CTNNA2: variants seen among roughly 807,000 people sequenced by gnomAD.
The protein encoded by CTNNA2 is catenin alpha 2, also known as catenin alpha-2.
In CTNNA2, 42 loss-of-function variants were observed where a neutral mutation model predicts 101.0. That is an observed-to-expected ratio of 0.42 (90% CI 0.32 to 0.54). The LOEUF (loss-of-function observed/expected upper bound fraction) is 0.54, where lower values mean the gene tolerates loss of function less well. Ranked by LOEUF, CTNNA2 falls within the 20% of genes least tolerant of loss-of-function variation. CTNNA2 has a pLI of 0.14. For missense variants in CTNNA2, 871 were observed against 1,223.1 expected, an observed-to-expected ratio of 0.71 and a Z score of 4.29; for synonymous variants, 450 against 456.4, an observed-to-expected ratio of 0.99 and a Z score of 0.18.
intron 4 of CTNNA2, among the ~76,000 whole-genome samples, chr2:79,470,591 A>G (rs998724891): frequency 6.6e-6 from 1 of 152,190 alleles, no homozygotes; most frequent in African/African-American, 2.4e-5. Context: ...TTCACTGGTA[A>G]TAATTACCAA....
At chr2:80,057,102 ATAT>A (rs1375968662) in intron 7 of CTNNA2, among the ~76,000 whole-genome samples, 2 of 152,136 alleles carry the variant, frequency 1.3e-5, no homozygotes, top group Non-Finnish European at 2.9e-5. Context: ...TTCTGTTTAA[ATAT>A]TAATCAATTT....
chr2:79,665,274 G>C (rs1049405417), intron 2 of CTNNA2, among the ~76,000 whole-genome samples: 1 of 152,102 alleles, frequency 6.6e-6, no homozygotes, highest in Non-Finnish European at 1.5e-5. Flanking sequence ...TCTCTGCTCT[G>C]CTCTCAGACC....
At chr2:79,414,269 A>G (rs1678452194) in intron 4 of CTNNA2, among the ~76,000 whole-genome samples, 1 of 151,940 alleles carries the variant, frequency 6.6e-6, no homozygotes. Flanking sequence ...TACGACTAAT[A>G]AATTCTACAT....
intron 7 of CTNNA2, among the ~76,000 whole-genome samples, chr2:80,203,363 A>C (rs138116582): frequency 5.3e-5 from 8 of 152,338 alleles, no homozygotes; most frequent in African/African-American, 1.9e-4. Flanking sequence ...GTAAAATCAA[A>C]AGCAAGTTAG....
At chr2:80,275,383 T>A (rs1281457258) in intron 7 of CTNNA2, among the ~76,000 whole-genome samples, 1 of 152,238 alleles carries the variant, frequency 6.6e-6, no homozygotes, top group East Asian at 1.9e-4. Context: ...AGTCATTCAA[T>A]TACCATTTGA....
chr2:80,352,364 T>C (rs185070125), intron 7 of CTNNA2, among the ~76,000 whole-genome samples: 1 of 152,266 alleles, frequency 6.6e-6, no homozygotes, highest in East Asian at 1.9e-4. Context: ...GTAATGGATA[T>C]TGAAAATGCC....
intron 8 of CTNNA2, among the ~76,000 whole-genome samples, chr2:80,405,593 C>G (rs1678979367): frequency 6.6e-6 from 1 of 152,120 alleles, no homozygotes; most frequent in South Asian, 2.1e-4. Context: ...AGCTCCATGC[C>G]AGAAACTGAA....
intron 4 of CTNNA2, among the ~76,000 whole-genome samples, chr2:79,377,107 G>A (rs1677987276): frequency 1.3e-5 from 2 of 151,528 alleles, no homozygotes; most frequent in South Asian, 4.2e-4. Flanking sequence ...CACCAACAGT[G>A]TAAAAGTGTT....
intron 1 of CTNNA2, among the ~76,000 whole-genome samples, chr2:79,625,815 C>T (rs1558781467): frequency 6.6e-6 from 1 of 152,178 alleles, no homozygotes; most frequent in Admixed American, 6.6e-5. Flanking sequence ...CTGCCAGTTA[C>T]CTCCTTGGTG....
At chr2:80,514,096 C>A (rs895615542) in intron 9 of CTNNA2, among the ~76,000 whole-genome samples, 1 of 152,130 alleles carries the variant, frequency 6.6e-6, no homozygotes, top group Non-Finnish European at 1.5e-5. Flanking sequence ...CCTGTTTAGG[C>A]ACTCACTGTG....
At chr2:79,958,595 C>A (rs1206510867) in intron 7 of CTNNA2, among the ~76,000 whole-genome samples, 1 of 152,112 alleles carries the variant, frequency 6.6e-6, no homozygotes, top group Admixed American at 6.5e-5. Context: ...CCCTAAAGCA[C>A]CCAGAAAGGA....
At chr2:79,860,577 A>G (rs1156651936) in intron 4 of CTNNA2, among the ~76,000 whole-genome samples, 2 of 109,288 alleles carry the variant, frequency 1.8e-5, no homozygotes, top group Admixed American at 2.0e-4. Context: ...ACGATTTAGC[A>G]CAAAATCATG....
intron 7 of CTNNA2, among the ~76,000 whole-genome samples, chr2:80,387,488 A>C (rs2149358601): frequency 6.6e-6 from 1 of 152,270 alleles, no homozygotes; most frequent in South Asian, 2.1e-4. Context: ...CCTTGTCCAA[A>C]GTGGGCCAAA....
Position 80,169,055 on chromosome 2 carries a change from T to A in CTNNA2, c.1057-224156T>A, listed in dbSNP as rs78797705. The stretch of plus-strand genomic sequence containing the variant: ...AATCCATGGGCCACGGGGCCTGACC[T>A]TGGGAGCCCATGCCTTTATCCTGCA... On this transcript the variant is annotated intron_variant, in intron 7 of 18. Transcript: ENST00000402739. Among the ~76,000 whole-genome samples, 645 of 152,338 alleles carry A rather than the reference T, an allele frequency of 4.2e-3. 21 individuals carry two copies. In the East Asian group the frequency reaches 0.072, roughly 17 times the overall value.
At chr2:79,258,046 T>G (rs1674871736) in intron 2 of CTNNA2, among the ~76,000 whole-genome samples, 1 of 152,178 alleles carries the variant, frequency 6.6e-6, no homozygotes, top group Non-Finnish European at 1.5e-5. Context: ...TCATTCTGGA[T>G]GAGGTGCCCA....
At chr2:80,320,392 C>T (rs1182040489) in intron 7 of CTNNA2, among the ~76,000 whole-genome samples, 1 of 152,204 alleles carries the variant, frequency 6.6e-6, no homozygotes, top group Non-Finnish European at 1.5e-5. Context: ...GTTTAACCCA[C>T]CTCTGCTTTT....
chr2:80,564,474 C>G (rs1424062778), intron 12 of CTNNA2, among the ~76,000 whole-genome samples: 1 of 147,444 alleles, frequency 6.8e-6, no homozygotes, highest in African/African-American at 2.5e-5. Flanking sequence ...CTCCCTGATT[C>G]TTTTAGGGTA....
chr2:80,032,033 T>C (rs1012879011), intron 7 of CTNNA2, among the ~76,000 whole-genome samples: 1 of 152,234 alleles, frequency 6.6e-6, no homozygotes, highest in Non-Finnish European at 1.5e-5. Flanking sequence ...TTAGAAATTA[T>C]ACAAACACAA....
chr2:79,693,400 C>A (rs1684448813), intron 2 of CTNNA2, among the ~76,000 whole-genome samples: 1 of 151,992 alleles, frequency 6.6e-6, no homozygotes, highest in Admixed American at 6.6e-5. Context: ...CTAGAGTCTA[C>A]ACATTTTGCT....
Sources: gnomAD v4.1 joint callset for allele counts (sites outside exome capture counted in the v4.1 genomes callset) on GRCh38, gnomAD v4.1.1 for gene constraint, MANE v1.5 for transcripts, NCBI Gene and HGNC (gene_info 2026-07-23, HGNC 2026-07-21) for gene names.